The following PDE9A variants were observed in gnomAD, a reference collection of about 807,000 sequenced individuals.
PDE9A encodes high affinity cGMP-specific 3',5'-cyclic phosphodiesterase 9A.
Under a neutral mutation model 87.4 loss-of-function variants are expected in PDE9A, and 60 were observed. The ratio of observed to expected loss-of-function variants is 0.69; its 90% CI spans 0.56 to 0.85. The LOEUF is 0.85. Among genes scored for constraint, PDE9A ranks in the 40% least tolerant of loss-of-function variants. PDE9A has a pLI of 0.00. For missense variants in PDE9A, 665 were observed against 779.0 expected, an observed-to-expected ratio of 0.85 and a Z score of 1.74; for synonymous variants, 272 against 279.4, an observed-to-expected ratio of 0.97 and a Z score of 0.27.
chr21:42,749,902 C>G (rs1303296690), intron 8 of PDE9A, among the ~76,000 whole-genome samples: 2 of 152,232 alleles, frequency 1.3e-5, no homozygotes, highest in Non-Finnish European at 2.9e-5. Context: ...CTTTGGGAGG[C>G]CAAGGCAGGT....
At chr21:42,729,381 A>G (rs2051485334) in intron 4 of PDE9A, among the ~76,000 whole-genome samples, 1 of 151,926 alleles carries the variant, frequency 6.6e-6, no homozygotes, top group Admixed American at 6.6e-5. Flanking sequence ...TCTTCCCTCT[A>G]ATTGTTTCTT....
At chr21:42,707,985 A>G (rs1366718663) in intron 4 of PDE9A, among the ~76,000 whole-genome samples, 4 of 152,178 alleles carry the variant, frequency 2.6e-5, no homozygotes, top group African/African-American at 9.7e-5. Context: ...AATGCTTCCT[A>G]AGGTCTAAAA....
In PDE9A at chr21:42,662,646, C is replaced by CCACACCATGCACACA. The variant is rs1365849357; in HGVS notation, c.69+8771_69+8785dup. On this transcript the variant is annotated intron_variant, in intron 1 of 19. Transcript: ENST00000291539. Reference sequence around the variant, plus strand: ...ACCACACACCACACACACGCACATCCCACACCATGCACACACACACCACGC... The same window carrying CCACACCATGCACACA: ...ACCACACACCACACACACGCACATCCCACACCATGCACACACACACCATGCACACACACACCACGC... Among the ~76,000 whole-genome samples the CCACACCATGCACACA allele has an allele frequency of 9.8e-3, 1,313 of 134,666 alleles. 20 individuals carry two copies. The highest frequency in any genetic ancestry group is 0.034 in the African/African-American group (1,198 of 35,476). The allele number at this position is 134,666 out of a possible 152,430, so 88.3% of individuals were successfully genotyped here.
intron 4 of PDE9A, among the ~76,000 whole-genome samples, chr21:42,711,503 G>A (rs559410955): frequency 1.3e-5 from 2 of 151,876 alleles, no homozygotes; most frequent in South Asian, 2.1e-4. Flanking sequence ...CACCCACCTC[G>A]GCCTCCCAAA....
chr21:42,703,503 C>T (rs1334190428), intron 4 of PDE9A, among the ~76,000 whole-genome samples: 5 of 152,234 alleles, frequency 3.3e-5, no homozygotes, highest in African/African-American at 1.2e-4. Context: ...AGGGCTCTCG[C>T]AGGCCAGCGA....
intron 1 of PDE9A, among the ~76,000 whole-genome samples, chr21:42,661,904 A>G (rs2057529747): frequency 6.6e-6 from 1 of 152,150 alleles, no homozygotes; most frequent in African/African-American, 2.4e-5. Flanking sequence ...CAGATGCGCC[A>G]GGTTCCGCTC....
At chr21:42,761,473 T>C (rs972654780) in intron 13 of PDE9A, among the ~76,000 whole-genome samples, 3 of 152,366 alleles carry the variant, frequency 2.0e-5, no homozygotes, top group Admixed American at 2.0e-4. Context: ...CCGCCCCATG[T>C]GGCGGACAAG....
intron 4 of PDE9A, among the ~76,000 whole-genome samples, chr21:42,726,626 T>TATATATA (rs1569207600): frequency 7.3e-5 from 3 of 41,160 alleles, no homozygotes; most frequent in African/African-American, 1.7e-4. Flanking sequence ...ATATATATAT[T>TATATATA]TTTTTTTTTT....
At chr21:42,658,242 C>A (rs1382259869) in intron 1 of PDE9A, among the ~76,000 whole-genome samples, 2 of 152,212 alleles carry the variant, frequency 1.3e-5, no homozygotes, top group African/African-American at 4.8e-5. Context: ...TGGCTCAGGT[C>A]CTCCCCGCAG....
chr21:42,725,567 A>G (rs935285157), intron 4 of PDE9A, among the ~76,000 whole-genome samples: 5 of 152,072 alleles, frequency 3.3e-5, no homozygotes, highest in East Asian at 1.9e-4. Context: ...GATGTTGTCA[A>G]TTCTGTAACG....
chr21:42,655,804 T>A lies in PDE9A; in HGVS notation c.69+1921T>A, dbSNP rs370448859. 3.3e-5 allele frequency among the ~76,000 whole-genome samples: 5 copies of A among 152,034 alleles called. No individual in the cohort carries two copies. In the East Asian group the frequency reaches 9.6e-4, roughly 29 times the overall value. ...TGCAAACAGGGAGGCGCCAGACGGG[T>A]CTCCAACCCCCACCCCGCCCCCCAT... On this transcript the variant is annotated intron_variant, in intron 1 of 19. Transcript: ENST00000291539.
rs1383104530 is a variant in PDE9A, at chr21:42,754,030, C to T, written c.776C>T (p.Pro259Leu). The change falls in exon 10 of 20, where the codon CCG becomes CTG. Residue 259 changes from proline (P) to leucine (L), a missense_variant. Coordinates refer to ENST00000291539, the MANE Select transcript of PDE9A (RefSeq NM_002606.3). Reference protein sequence around the residue: ...SPETIEALRKPTFDVWLWEPN... With the variant: ...SPETIEALRKLTFDVWLWEPN... ...GAGACCATCGAGGCCCTGCGGAAGC[C>T]GACCTTTGACGTCTGGCTTTGGGAG... is the stretch of plus-strand genomic sequence containing the variant. The T allele has an allele frequency of 9.9e-6, 16 of 1,613,326 alleles. No individual in the cohort carries two copies. The highest frequency in any genetic ancestry group is 2.2e-5 in the East Asian group (1 of 44,874).
intron 1 of PDE9A, among the ~76,000 whole-genome samples, chr21:42,656,475 TG>T (rs2057082420): frequency 6.6e-6 from 1 of 152,232 alleles, no homozygotes; most frequent in Non-Finnish European, 1.5e-5. Context: ...AATCTGAAGT[TG>T]TCTGAGGGAG....
chr21:42,762,345 G>T, intron 14 of PDE9A, 106 bp downstream of exon 14: 1 of 1,215,992 alleles, frequency 8.2e-7, no homozygotes, highest in Non-Finnish European at 1.2e-6. Context: ...GGCCACAGCA[G>T]TGCCCTGGGG....
At chr21:42,747,821 C>T (rs148433934) in intron 8 of PDE9A, among the ~76,000 whole-genome samples, 127 of 152,350 alleles carry the variant, frequency 8.3e-4, no homozygotes, top group Non-Finnish European at 1.5e-3. Context: ...AGCGTTCATC[C>T]CAAACAAATG....
rs1169875033 is a variant in PDE9A, at chr21:42,659,451, TC to T, written c.69+5569del. On this transcript the variant is annotated intron_variant, in intron 1 of 19. Transcript: ENST00000291539. This position sits in a 1 kb window ranked among gnomAD's most constrained non-coding sequence, Gnocchi z 4.1. ...TGCCAGCCGGGAGGCCTGGGCAAAA[TC>T]ACTTTCTCCCCAGGGAAGTGGAGGC... 3.9e-5 allele frequency among the ~76,000 whole-genome samples: 6 copies of T among 152,216 alleles called. No individual in the cohort carries two copies. Among genetic ancestry groups the T allele is most frequent in the Admixed American group, 6.5e-5 (1 of 15,290 alleles).
At chr21:42,740,755 GGATAGATAGATAGATA>G (rs58917556) in intron 7 of PDE9A, among the ~76,000 whole-genome samples, 7 of 140,088 alleles carry the variant, frequency 5.0e-5, no homozygotes, top group East Asian at 2.1e-4. Flanking sequence ...TAGATAAACA[GGATAGATAGATAGATA>G]GATAGATAGA....
chr21:42,755,101 T>C (rs928580532), intron 10 of PDE9A, among the ~76,000 whole-genome samples: 16 of 152,234 alleles, frequency 1.1e-4, no homozygotes, highest in African/African-American at 3.9e-4. Context: ...ATTGCAGACC[T>C]CGGCCTCAGC....
rs1319065117 is a variant in PDE9A, at chr21:42,702,088, C to T, written c.262+3077C>T. On this transcript the variant is annotated intron_variant, in intron 4 of 19. Transcript: ENST00000291539. The surrounding 1 kb of genome is among the most constrained non-coding windows in gnomAD (Gnocchi z 4.9). ...TCTGTCTCTCTCCTTTCCCCTGGGA[C>T]CCTAACTACCTGAATGATAGACAGC... Among the ~76,000 whole-genome samples, 1 of 152,142 alleles carries T rather than the reference C, an allele frequency of 6.6e-6. No individual in the cohort carries two copies. Among genetic ancestry groups the T allele is most frequent in the African/African-American group, 2.4e-5 (1 of 41,430 alleles).
Sources: allele counts gnomAD v4.1 joint callset (sites outside exome capture counted in the v4.1 genomes callset), GRCh38; gene constraint gnomAD v4.1.1; non-coding constraint Gnocchi (gnomAD v3.1); transcripts MANE v1.5; gene names NCBI Gene and HGNC (gene_info 2026-07-23, HGNC 2026-07-21).